DLG2: variants seen among roughly 807,000 people sequenced by gnomAD.
DLG2 encodes discs large MAGUK scaffold protein 2.
DLG2 carries 45 observed loss-of-function variants against 132.5 expected under a neutral mutation model. That is an observed-to-expected ratio of 0.34 (90% CI 0.27 to 0.44). The LOEUF (loss-of-function observed/expected upper bound fraction) is 0.44. Among genes scored for constraint, DLG2 ranks in the 20% least tolerant of loss-of-function variants. The pLI, the probability that DLG2 is intolerant of heterozygous loss-of-function variation, is 1.00. For missense variants in DLG2, 1,045 were observed against 1,196.9 expected (o/e 0.87, Z 1.87); for synonymous variants, 424 against 419.6 (o/e 1.01, Z -0.13).
At chr11:84,912,300 C>A (rs1454466075) in intron 6 of DLG2, among the ~76,000 whole-genome samples, 1 of 152,154 alleles carries the variant, frequency 6.6e-6, no homozygotes, top group African/African-American at 2.4e-5. Flanking sequence ...AGCCTACAGG[C>A]ACCCGCCACC....
intron 6 of DLG2, among the ~76,000 whole-genome samples, chr11:84,643,393 G>A (rs2099670577): frequency 6.6e-6 from 1 of 152,202 alleles, no homozygotes; most frequent in Non-Finnish European, 1.5e-5. Flanking sequence ...CAGCTTCAGA[G>A]CATGGGATGT....
rs148779392 is a variant in DLG2, at chr11:84,257,606, C to G, written c.520-6315G>C. 1.0e-3 allele frequency among the ~76,000 whole-genome samples: 159 copies of G among 151,960 alleles called. 5 individuals carry two copies. The East Asian group carries it at 0.028, about 27-fold the overall frequency. ...GTAAATAGCTGGTAAATCTTCAAACCCAAGCAATCTGGCTCCAGAGCCATG... is the reference window on the plus strand; with the variant it reads ...GTAAATAGCTGGTAAATCTTCAAACGCAAGCAATCTGGCTCCAGAGCCATG... On this transcript the variant is annotated intron_variant, in intron 7 of 27. Coordinates refer to ENST00000376104, the MANE Select transcript of DLG2 (RefSeq NM_001142699.3).
intron 9 of DLG2, among the ~76,000 whole-genome samples, chr11:84,136,501 G>A (rs1317065539): frequency 6.6e-6 from 1 of 152,110 alleles, no homozygotes; most frequent in Non-Finnish European, 1.5e-5. Context: ...ATAAGAAAAT[G>A]AGATATGAGA....
intron 12 of DLG2, among the ~76,000 whole-genome samples, chr11:83,969,152 T>C (rs1592055006): frequency 6.6e-6 from 1 of 152,226 alleles, no homozygotes; most frequent in African/African-American, 2.4e-5. Flanking sequence ...AGAGATTAAC[T>C]TGCAACAAAG....
chr11:85,316,923 T>G (rs1346378876), intron 3 of DLG2, among the ~76,000 whole-genome samples: 1 of 146,186 alleles, frequency 6.8e-6, no homozygotes, highest in African/African-American at 2.5e-5. Flanking sequence ...AATACATACT[T>G]AAATAAATCA....
At chr11:84,694,212 G>A (rs1242968376) in intron 6 of DLG2, among the ~76,000 whole-genome samples, 6 of 151,552 alleles carry the variant, frequency 4.0e-5, no homozygotes, top group Non-Finnish European at 7.4e-5. Flanking sequence ...CTCAGCCATT[G>A]TGTCTTCTCA....
At position 85,621,421 on chromosome 11, in the gene DLG2, A is replaced by G. The variant is rs1275369814; in HGVS notation, c.-93+5166T>C. ...TAAGAAATAAATTTTGTAAGACTAT[A>G]TCTGCCACAGTGATTCCCTGATAGA... On this transcript the variant is annotated intron_variant, in intron 2 of 27. Transcript: ENST00000376104. 2.0e-5 allele frequency among the ~76,000 whole-genome samples: 3 copies of G among 152,222 alleles called. No individual in the cohort carries two copies. The East Asian group carries it at 5.8e-4, about 29-fold the overall frequency.
At chr11:84,687,142 C>G (rs2099738901) in intron 6 of DLG2, 1 of 152,064 alleles carries the variant, frequency 6.6e-6, no homozygotes, top group Non-Finnish European at 1.5e-5. Context: ...GTTACATGCT[C>G]TATTTCATTT....
chr11:85,428,840 C>T (rs1366473063), intron 3 of DLG2, among the ~76,000 whole-genome samples: 3 of 152,144 alleles, frequency 2.0e-5, no homozygotes, highest in African/African-American at 4.8e-5. Context: ...AATCCAGGAG[C>T]TGGTTTTTTG....
intron 7 of DLG2, among the ~76,000 whole-genome samples, chr11:84,313,640 A>AG (rs1567260421): frequency 3.6e-4 from 44 of 120,858 alleles, no homozygotes; most frequent in Non-Finnish European, 7.0e-4. Flanking sequence ...GGAAAGAGAG[A>AG]AAAAGAAAGA....
chr11:85,135,718 C>A (rs1340588616), intron 5 of DLG2, among the ~76,000 whole-genome samples: 1 of 152,194 alleles, frequency 6.6e-6, no homozygotes, highest in East Asian at 1.9e-4. Flanking sequence ...CTCTAAAATG[C>A]ACTCCTTAAA....
chr11:84,366,046 T>C lies in DLG2; in HGVS notation c.520-114755A>G, dbSNP rs200736095. Among the ~76,000 whole-genome samples, 5 of 151,910 alleles carry C rather than the reference T, an allele frequency of 3.3e-5. No homozygotes were observed. In the East Asian group the frequency reaches 7.8e-4, roughly 24 times the overall value. ...CAAAGTTGAAATGAAGGAAAAAATG[T>C]GAAGAGCAGCCAGAGAGAAAGGTTG... is the stretch of plus-strand genomic sequence containing the variant. On this transcript the variant is annotated intron_variant, in intron 7 of 27. Coordinates refer to ENST00000376104, the MANE Select transcript of DLG2 (RefSeq NM_001142699.3).
chr11:85,612,964 C>A (rs1207524275), intron 2 of DLG2, among the ~76,000 whole-genome samples: 2 of 152,178 alleles, frequency 1.3e-5, no homozygotes, highest in Non-Finnish European at 2.9e-5. Flanking sequence ...TAGACCTCCT[C>A]ACTGCTGAGA....
At chr11:84,989,266 C>G (rs1033790277) in intron 6 of DLG2, among the ~76,000 whole-genome samples, 1 of 152,088 alleles carries the variant, frequency 6.6e-6, no homozygotes, top group East Asian at 1.9e-4. Flanking sequence ...ACCTCTGACC[C>G]CCAGGTTCAA....
At chr11:84,515,888 T>C (rs1043160974) in intron 7 of DLG2, among the ~76,000 whole-genome samples, 3 of 151,792 alleles carry the variant, frequency 2.0e-5, no homozygotes, top group Admixed American at 1.3e-4. Context: ...ATCAAGTGTC[T>C]TTTCCAACAA....
intron 9 of DLG2, among the ~76,000 whole-genome samples, chr11:84,117,234 G>A (rs369004813): frequency 2.6e-5 from 4 of 152,102 alleles, no homozygotes; most frequent in Admixed American, 6.5e-5. Context: ...CTTTATGTTC[G>A]GAGTATATGT....
At chr11:84,903,094 T>A (rs2091095598) in intron 6 of DLG2, among the ~76,000 whole-genome samples, 2 of 152,092 alleles carry the variant, frequency 1.3e-5, no homozygotes, top group Non-Finnish European at 2.9e-5. Context: ...GTGAAAATGG[T>A]CTTCCTAAAA....
chr11:84,552,025 G>A (rs192977131), intron 6 of DLG2, among the ~76,000 whole-genome samples: 1 of 152,158 alleles, frequency 6.6e-6, no homozygotes, highest in Admixed American at 6.5e-5. Flanking sequence ...GGCCAAGATG[G>A]TTTACATTAG....
intron 8 of DLG2, among the ~76,000 whole-genome samples, chr11:84,200,794 T>C (rs891894897): frequency 6.6e-6 from 1 of 152,168 alleles, no homozygotes; most frequent in African/African-American, 2.4e-5. Flanking sequence ...TGCACATTGA[T>C]TCGGTATCCT....
Sources: allele counts gnomAD v4.1 joint callset (sites outside exome capture counted in the v4.1 genomes callset), GRCh38; gene constraint gnomAD v4.1.1; transcripts MANE v1.5; gene names NCBI Gene and HGNC (gene_info 2026-07-23, HGNC 2026-07-21).